The following ADORA2B variants were observed in gnomAD, a reference collection of about 807,000 sequenced individuals.
ADORA2B encodes the protein adenosine A2b receptor.
A neutral mutation model predicts 20.8 loss-of-function variants in ADORA2B; 18 were observed. That is an observed-to-expected ratio of 0.87 (90% CI 0.60 to 1.29). The LOEUF is 1.29. Ranked by LOEUF, ADORA2B falls within the 50% of genes most tolerant of loss-of-function variation. ADORA2B has a pLI of 0.00. For missense variants in ADORA2B, 441 were observed against 422.7 expected (o/e 1.04, Z -0.38); for synonymous variants, 179 against 178.3 (o/e 1.00, Z -0.03).
the ADORA2B span, among the ~76,000 whole-genome samples, chr17:15,927,498 T>A: frequency 7.9e-4 from 118 of 150,306 alleles, no homozygotes; most frequent in Non-Finnish European, 1.5e-3. Context: ...AAAAAAAAAA[T>A]TTGCTGGGTG....
At chr17:15,904,827 T>C in the ADORA2B span, among the ~76,000 whole-genome samples, 1 of 152,242 alleles carries the variant, frequency 6.6e-6, no homozygotes, top group Non-Finnish European at 1.5e-5. Flanking sequence ...CCTTTAGCTA[T>C]TGACTTTCTG....
the ADORA2B span, among the ~76,000 whole-genome samples, chr17:15,868,780 C>CAA: frequency 7.2e-6 from 1 of 139,840 alleles, no homozygotes; most frequent in African/African-American, 2.7e-5. Context: ...ACTCCATCTC[C>CAA]AAAAAAAAAA....
chr17:15,871,582 A>G, the ADORA2B span, among the ~76,000 whole-genome samples: 2 of 152,176 alleles, frequency 1.3e-5, no homozygotes, highest in African/African-American at 2.4e-5. Flanking sequence ...TGTTTGTGCA[A>G]ACACGTGGTT....
At chr17:15,973,677 C>T (rs555500957) in intron 1 of ADORA2B, among the ~76,000 whole-genome samples, 3 of 152,214 alleles carry the variant, frequency 2.0e-5, no homozygotes, top group African/African-American at 2.4e-5. Context: ...CATCACCCCC[C>T]GCCCCTGGTC....
intron 1 of ADORA2B, among the ~76,000 whole-genome samples, chr17:15,950,072 CA>C (rs1439888340): frequency 1.3e-5 from 2 of 152,080 alleles, no homozygotes; most frequent in African/African-American, 4.8e-5. Flanking sequence ...CTTATATGGC[CA>C]AAACAAAAAA....
At chr17:15,958,614 C>T (rs1969999580) in intron 1 of ADORA2B, among the ~76,000 whole-genome samples, 1 of 152,188 alleles carries the variant, frequency 6.6e-6, no homozygotes, top group African/African-American at 2.4e-5. Context: ...CTCTTTCCTT[C>T]GTTTCTCTAC....
intron 1 of ADORA2B, among the ~76,000 whole-genome samples, chr17:15,947,888 C>T (rs1162255563): frequency 6.6e-6 from 1 of 152,174 alleles, no homozygotes; most frequent in Non-Finnish European, 1.5e-5. Flanking sequence ...TTGGGTCCAG[C>T]GATCTAAGAA....
chr17:15,898,268 A>T, the ADORA2B span, among the ~76,000 whole-genome samples: 1 of 152,004 alleles, frequency 6.6e-6, no homozygotes, highest in Non-Finnish European at 1.5e-5. Context: ...GGAGTGTTGT[A>T]ATATTTGCTT....
upstream of ADORA2B, among the ~76,000 whole-genome samples, chr17:15,944,530 G>A (rs919845471): frequency 2.6e-5 from 4 of 152,082 alleles, no homozygotes; most frequent in African/African-American, 9.7e-5. This position sits in a 1 kb window ranked among gnomAD's most constrained non-coding sequence, Gnocchi z 4.8. Flanking sequence ...CGCGGGCGAG[G>A]GTGGAGAACA....
chr17:15,856,198 T>C, the ADORA2B span, among the ~76,000 whole-genome samples: 1 of 151,710 alleles, frequency 6.6e-6, no homozygotes, highest in Non-Finnish European at 1.5e-5. Flanking sequence ...TGTTTGACAG[T>C]TCCTGGTTTT....
chr17:15,961,512 G>T (rs75074043), intron 1 of ADORA2B, among the ~76,000 whole-genome samples: 14 of 152,184 alleles, frequency 9.2e-5, no homozygotes, highest in Admixed American at 6.5e-4. Flanking sequence ...TGTCTGCCAG[G>T]GTTCTTCACT....
At chr17:15,885,726 CAAA>C in the ADORA2B span, among the ~76,000 whole-genome samples, 1 of 141,366 alleles carries the variant, frequency 7.1e-6, no homozygotes, top group Non-Finnish European at 1.6e-5. Context: ...AAAAAAAAAA[CAAA>C]AAAAAACCTC....
the ADORA2B span, among the ~76,000 whole-genome samples, chr17:15,932,939 G>A: frequency 6.7e-6 from 1 of 149,218 alleles, no homozygotes; most frequent in Admixed American, 6.7e-5. Flanking sequence ...AAAAGGAGGT[G>A]TTAGTCCTTC....
At chr17:15,942,420 T>C (rs1969753095), upstream of ADORA2B, among the ~76,000 whole-genome samples, 1 of 152,138 alleles carries the variant, frequency 6.6e-6, no homozygotes, top group Non-Finnish European at 1.5e-5. Flanking sequence ...ATGCTGGCAC[T>C]ATGGTTTACA....
chr17:15,974,942 T>C lies in ADORA2B; in HGVS notation c.599T>C (p.Val200Ala), dbSNP rs556766619. 18 of 1,614,054 alleles carry C rather than the reference T, an allele frequency of 1.1e-5. No homozygotes were observed. Among genetic ancestry groups the C allele is most frequent in the Non-Finnish European group, 1.4e-5 (17 of 1,180,042 alleles). Residue 200 changes from valine to alanine, a missense_variant, in exon 2 of 2, where the codon GTG (valine) becomes GCG (alanine). Physicochemically the swap from Val to Ala is moderately conservative, Grantham distance 64. Transcript: ENST00000304222. ...CTGCCCCCACTGCTTATAATGCTGG[T>C]GATCTACATTAAGATCTTCCTGGTG... is the stretch of plus-strand genomic sequence containing the variant. ...CVLPPLLIML[V>A]IYIKIFLVAC...
the ADORA2B span, among the ~76,000 whole-genome samples, chr17:15,907,497 C>T: frequency 0.01 from 1,524 of 152,254 alleles, 36 homozygotes; most frequent in African/African-American, 0.034. Flanking sequence ...TTAAATATGT[C>T]CAGTGACACA....
the ADORA2B span, among the ~76,000 whole-genome samples, chr17:15,856,395 C>G: frequency 3.3e-5 from 5 of 152,142 alleles, no homozygotes; most frequent in Non-Finnish European, 4.4e-5. Context: ...AAATTCCCAG[C>G]CTCAGGGAAG....
At chr17:15,899,952 C>T in the ADORA2B span, among the ~76,000 whole-genome samples, 2 of 152,018 alleles carry the variant, frequency 1.3e-5, no homozygotes, top group Non-Finnish European at 2.9e-5. Context: ...CTGCCTCAGC[C>T]TCCTGAGTAG....
chr17:15,953,591 T>C (rs1969932778), intron 1 of ADORA2B, among the ~76,000 whole-genome samples: 1 of 152,248 alleles, frequency 6.6e-6, no homozygotes, highest in Admixed American at 6.5e-5. Flanking sequence ...CACTTGAATT[T>C]CTGTTATGTT....
Sources: gnomAD v4.1 joint callset for allele counts (sites outside exome capture counted in the v4.1 genomes callset) on GRCh38, gnomAD v4.1.1 for gene constraint, Gnocchi (gnomAD v3.1) non-coding constraint, MANE v1.5 for transcripts, NCBI Gene and HGNC (gene_info 2026-07-23, HGNC 2026-07-21) for gene names.